MTSS1: variants seen among roughly 807,000 people sequenced by gnomAD.
The protein encoded by MTSS1 is protein MTSS 1.
MTSS1 carries 18 observed loss-of-function variants against 79.0 expected under a neutral mutation model. The observed-to-expected ratio is 0.23, with a 90% CI of 0.16 to 0.34. The LOEUF (loss-of-function observed/expected upper bound fraction) is 0.34. Ranked by LOEUF, MTSS1 falls within the 10% of genes least tolerant of loss-of-function variation. The pLI, the probability that MTSS1 is intolerant of heterozygous loss-of-function variation, is 1.00. For missense variants in MTSS1, 815 were observed against 986.2 expected (o/e 0.83, Z 2.33); for synonymous variants, 341 against 368.6 (o/e 0.93, Z 0.86).
chr8:124,579,666 C>T (rs1829664018), intron 6 of MTSS1: 1 of 152,098 alleles, frequency 6.6e-6, no homozygotes, highest in Non-Finnish European at 1.5e-5. Context: ...AACCACTAGC[C>T]CAACATCGCC....
chr8:124,720,735 A>T (rs573696638), intron 1 of MTSS1, among the ~76,000 whole-genome samples: 81 of 152,252 alleles, frequency 5.3e-4, no homozygotes, highest in Non-Finnish European at 8.5e-4. Flanking sequence ...CTGCCTAAGA[A>T]GTGGTGGAGA....
At chr8:124,699,621 A>G (rs1829409591) in intron 2 of MTSS1, 22 bp from the exon 3 acceptor site, 1 of 1,610,788 alleles carries the variant, frequency 6.2e-7, no homozygotes, top group South Asian at 1.1e-5. Flanking sequence ...ACAGATAACA[A>G]AAGCATAAGG....
At chr8:124,664,227 C>T (rs1301487087) in intron 3 of MTSS1, among the ~76,000 whole-genome samples, 1 of 152,168 alleles carries the variant, frequency 6.6e-6, no homozygotes, top group Non-Finnish European at 1.5e-5. Flanking sequence ...CTTAGAACCA[C>T]AGGCGTAAGT....
At chr8:124,573,499 C>T (rs1383408270) in intron 6 of MTSS1, among the ~76,000 whole-genome samples, 1 of 152,254 alleles carries the variant, frequency 6.6e-6, no homozygotes, top group African/African-American at 2.4e-5. Context: ...GGGCAGAACC[C>T]ATGAATGCTT....
At chr8:124,557,328 G>GC (rs1824075159) in intron 11 of MTSS1, among the ~76,000 whole-genome samples, 1 of 152,256 alleles carries the variant, frequency 6.6e-6, no homozygotes, top group Non-Finnish European at 1.5e-5. Flanking sequence ...CCCTCAGGTG[G>GC]CCCCCGGGAG....
intron 9 of MTSS1, among the ~76,000 whole-genome samples, chr8:124,564,129 CAAAAAAAA>C (rs56313535): frequency 1.1e-5 from 1 of 87,826 alleles, no homozygotes; most frequent in Admixed American, 1.2e-4. Context: ...GACCCGATCT[CAAAAAAAA>C]AAAAAAAAAA....
At chr8:124,601,770 A>C (rs1013739249) in intron 3 of MTSS1, among the ~76,000 whole-genome samples, 1 of 152,208 alleles carries the variant, frequency 6.6e-6, no homozygotes, top group Admixed American at 6.5e-5. Flanking sequence ...GGAGGCCAGC[A>C]CTAGCCACGG....
intron 3 of MTSS1, among the ~76,000 whole-genome samples, chr8:124,647,176 T>C (rs147486290): frequency 7.9e-5 from 12 of 152,352 alleles, no homozygotes; most frequent in Non-Finnish European, 1.3e-4. Flanking sequence ...GGAATTTACC[T>C]ACATTTTCAA....
At chr8:124,647,267 TAG>T (rs1293041567) in intron 3 of MTSS1, among the ~76,000 whole-genome samples, 1 of 152,242 alleles carries the variant, frequency 6.6e-6, no homozygotes, top group Non-Finnish European at 1.5e-5. Context: ...CATCTAGATT[TAG>T]AGTTTTTTTA....
At chr8:124,591,451 C>A (rs1563812921) in intron 3 of MTSS1, among the ~76,000 whole-genome samples, 1 of 152,248 alleles carries the variant, frequency 6.6e-6, no homozygotes, top group African/African-American at 2.4e-5. Context: ...CCAAAACTAT[C>A]ACCAAAGGCT....
At chr8:124,715,433 G>A (rs760435715) in intron 1 of MTSS1, among the ~76,000 whole-genome samples, 2 of 150,784 alleles carry the variant, frequency 1.3e-5, no homozygotes, top group Admixed American at 6.6e-5. Context: ...AGACCTCTCC[G>A]CAGCCAAGGG....
chr8:124,580,617 G>A, intron 6 of MTSS1: 1 of 1,529,338 alleles, frequency 6.5e-7, no homozygotes, highest in Non-Finnish European at 8.8e-7. Context: ...ACACAAAAAG[G>A]AAAATAATAA....
intron 3 of MTSS1, among the ~76,000 whole-genome samples, chr8:124,651,378 ACAC>A (rs1243859737): frequency 1.3e-3 from 182 of 139,416 alleles, no homozygotes; most frequent in African/African-American, 5.9e-3. Context: ...TACACAGCAC[ACAC>A]AGCACAATCA....
chr8:124,555,871 C>G lies in MTSS1; in HGVS notation c.1438G>C (p.Ala480Pro). ...TGCAGGCCCCGAGACAGGGCCAGGG[C>G]CAGCTCCTCACAAGCCTCCATCTCC... is the stretch of plus-strand genomic sequence containing the variant. ...GEEMEACEEL[A>P]LALSRGLQLD... The change falls in exon 13 of 14, where the codon GCC (alanine) becomes CCC (proline). Residue 480 changes from alanine (A) to proline (P), a missense_variant. This residue lies in a region of MTSS1 where 590 missense variants were observed against 620.8 expected (regional missense o/e 0.95). Coordinates refer to ENST00000518547, the MANE Select transcript of MTSS1 (RefSeq NM_014751.6). 3.1e-6 allele frequency: 5 copies of G among 1,610,990 alleles called. No homozygotes were observed. The highest frequency in any genetic ancestry group is 4.2e-6 in the Non-Finnish European group (5 of 1,179,960).
intron 1 of MTSS1, among the ~76,000 whole-genome samples, chr8:124,723,844 C>G: frequency 6.6e-6 from 1 of 152,216 alleles, no homozygotes; most frequent in South Asian, 2.1e-4. Flanking sequence ...AGCAGCCCAC[C>G]TCCCTCAGAG....
intron 13 of MTSS1, 73 bp downstream of exon 13, chr8:124,555,669 G>T: frequency 6.9e-7 from 1 of 1,452,048 alleles, no homozygotes; most frequent in South Asian, 1.4e-5. Flanking sequence ...GGTTAAAATG[G>T]ACCAGCAGTT....
chr8:124,688,684 G>A (rs2382993), intron 3 of MTSS1, among the ~76,000 whole-genome samples: 51,951 of 151,998 alleles, frequency 0.34, 9,043 homozygotes, highest in Admixed American at 0.43. Flanking sequence ...AACAATCACC[G>A]GCTGAGAGAC....
At chr8:124,716,921 A>G (rs188026309) in intron 1 of MTSS1, among the ~76,000 whole-genome samples, 1 of 152,236 alleles carries the variant, frequency 6.6e-6, no homozygotes, top group African/African-American at 2.4e-5. Flanking sequence ...CCAAGGATAA[A>G]AAGTCCTTCG....
chr8:124,631,131 C>A (rs1242120391), intron 3 of MTSS1, among the ~76,000 whole-genome samples: 1 of 152,204 alleles, frequency 6.6e-6, no homozygotes, highest in Non-Finnish European at 1.5e-5. Context: ...GAAACATACA[C>A]GCAGCACAGA....
Sources: allele counts gnomAD v4.1 joint callset (sites outside exome capture counted in the v4.1 genomes callset), GRCh38; gene constraint gnomAD v4.1.1; regional missense constraint gnomAD v4.1.1; transcripts MANE v1.5; gene names NCBI Gene and HGNC (gene_info 2026-07-23, HGNC 2026-07-21).